PNPT1: variants seen among roughly 807,000 people sequenced by gnomAD.
The protein encoded by PNPT1 is polyribonucleotide nucleotidyltransferase 1, also known as polyribonucleotide nucleotidyltransferase 1, mitochondrial.
A neutral mutation model predicts 119.5 loss-of-function variants in PNPT1; 53 were observed. That is an observed-to-expected ratio of 0.44 (90% confidence interval 0.36 to 0.56). The LOEUF (loss-of-function observed/expected upper bound fraction) is 0.56. Among genes scored for constraint, PNPT1 ranks in the 20% least tolerant of loss-of-function variants. The pLI is 0.00. For missense variants in PNPT1, 948 were observed against 938.5 expected (o/e 1.01, Z -0.13); for synonymous variants, 357 against 322.1 (o/e 1.11, Z -1.16).
At chr2:55,690,852 G>C (rs1201759631) in intron 1 of PNPT1, among the ~76,000 whole-genome samples, 1 of 152,184 alleles carries the variant, frequency 6.6e-6, no homozygotes, top group African/African-American at 2.4e-5. Context: ...AGTATGTTGA[G>C]TAGATGGAAG....
At chr2:55,687,780 A>C (rs2104184358) in intron 1 of PNPT1, 75 bp from the exon 2 acceptor site, 2 of 1,181,148 alleles carry the variant, frequency 1.7e-6, no homozygotes, top group Admixed American at 2.6e-5. Flanking sequence ...AAAATAATAA[A>C]AGATTCTAAG....
At chr2:55,648,454 G>A (rs980803663) in intron 18 of PNPT1, among the ~76,000 whole-genome samples, 27 of 152,204 alleles carry the variant, frequency 1.8e-4, no homozygotes, top group African/African-American at 6.5e-4. Flanking sequence ...ACTTTTACCA[G>A]TGGTGTAAGA....
intron 15 of PNPT1, among the ~76,000 whole-genome samples, chr2:55,657,319 T>G (rs1305150624): frequency 6.6e-6 from 1 of 151,658 alleles, no homozygotes; most frequent in Admixed American, 6.6e-5. Context: ...ACAGAGACCC[T>G]TTTTTTAAAA....
intron 4 of PNPT1, 24 bp from the exon 5 acceptor site, chr2:55,683,858 T>C: frequency 6.2e-7 from 1 of 1,610,566 alleles, no homozygotes; most frequent in South Asian, 1.1e-5. Flanking sequence ...AAAAAACACA[T>C]TAAACCGTAC....
At chr2:55,662,907 A>C (rs530678191) in intron 13 of PNPT1, among the ~76,000 whole-genome samples, 14 of 149,838 alleles carry the variant, frequency 9.3e-5, no homozygotes, top group Admixed American at 6.6e-5. Flanking sequence ...TGGAGACGGA[A>C]TCTCACTCTG....
intron 18 of PNPT1, among the ~76,000 whole-genome samples, chr2:55,650,137 T>TCTCCAC (rs1553494834): frequency 4.1e-5 from 5 of 121,452 alleles, no homozygotes; most frequent in African/African-American, 1.1e-4. Context: ...TCTCTCCCTC[T>TCTCCAC]CTCCACCTCT....
intron 1 of PNPT1, among the ~76,000 whole-genome samples, chr2:55,690,949 C>G (rs1237539148): frequency 6.6e-6 from 1 of 152,228 alleles, no homozygotes; most frequent in Non-Finnish European, 1.5e-5. Context: ...GTAATGGTTT[C>G]ATGAGGCAAA....
intron 27 of PNPT1, 39 bp downstream of exon 27, chr2:55,637,513 A>G: frequency 6.5e-7 from 1 of 1,540,530 alleles, no homozygotes; most frequent in Non-Finnish European, 9.0e-7. Context: ...CTTCAAGAAC[A>G]ATTTACAACT....
Position 55,667,978 on chromosome 2 carries a change from C to A in PNPT1, c.977-20G>T. 6.4e-7 allele frequency: 1 copy of A among 1,559,108 alleles called. No individual in the cohort carries two copies. Among genetic ancestry groups the A allele is most frequent in the Admixed American group, 2.2e-5 (1 of 45,034 alleles). The stretch of plus-strand genomic sequence containing the variant: ...ATTTTTCTATAGAAAAAAGACAAAC[C>A]AAAACAAAGATTTTTACTTTTTTAG... On this transcript the variant is annotated intron_variant, in intron 11 of 27. Transcript: ENST00000447944.
At chr2:55,645,500 G>A (rs1221599478) in intron 21 of PNPT1, 68 bp from the exon 22 acceptor site, 1 of 1,003,782 alleles carries the variant, frequency 1.0e-6, no homozygotes, top group East Asian at 2.4e-5. Context: ...TGTACTCTTA[G>A]TTTTCACGGT....
intron 8 of PNPT1, among the ~76,000 whole-genome samples, chr2:55,676,160 C>G (rs1319361920): frequency 6.9e-6 from 1 of 145,942 alleles, no homozygotes; most frequent in Non-Finnish European, 1.5e-5. Flanking sequence ...CTTGGGAGGC[C>G]GAGTCAAGAG....
intron 8 of PNPT1, among the ~76,000 whole-genome samples, chr2:55,675,336 C>T (rs1392177216): frequency 1.3e-5 from 2 of 151,286 alleles, no homozygotes; most frequent in Admixed American, 6.6e-5. Flanking sequence ...GCTTGTAATT[C>T]CAGTGCTATG....
chr2:55,672,925 G>C lies in PNPT1; in HGVS notation c.834C>G (p.Thr278=), dbSNP rs751394146. 2.5e-6 allele frequency: 4 copies of C among 1,608,064 alleles called. No individual in the cohort carries two copies. Among genetic ancestry groups the C allele is most frequent in the Non-Finnish European group, 3.4e-6 (4 of 1,178,352 alleles). ...VTKRTPQKLF[T]PSPEIVKYTH... ...TATATTTCACAATCTCTGGCGAAGG[G>C]GTAAATAACTTCTGAGGTGTCCTCT... Residue 278 remains threonine (T), a synonymous_variant, in exon 9 of 28, where the codon ACC becomes ACG. Coordinates refer to ENST00000447944, the MANE Select transcript of PNPT1 (RefSeq NM_033109.5).
At chr2:55,683,746 G>C in intron 5 of PNPT1, 39 bp downstream of exon 5, 1 of 1,544,592 alleles carries the variant, frequency 6.5e-7, no homozygotes, top group Non-Finnish European at 8.9e-7. Context: ...AGTAATTTTT[G>C]ATTGATCTGG....
In PNPT1 at chr2:55,636,324, T is replaced by C; in HGVS notation, c.2265A>G (p.Pro755=). 4 of 1,614,150 alleles carry C rather than the reference T, an allele frequency of 2.5e-6. No homozygotes were observed. The highest frequency in any genetic ancestry group is 3.4e-6 in the Non-Finnish European group (4 of 1,180,010). ...MRLSRKVLQS[P]ATTVVRTLND... ...TCAAAGTTCTGACCACGGTTGTAGC[T>C]GGCGACTGAAGCACTTTTCGAGAAA... Residue 755 remains proline, a synonymous_variant, in exon 28 of 28, where the codon CCA becomes CCG. Transcript: ENST00000447944.
rs2104009685 is a variant in PNPT1 at position 55,636,118 on chromosome 2, A to T, written c.*119T>A. 1 of 627,060 alleles carries T rather than the reference A, an allele frequency of 1.6e-6. No homozygotes were observed. Among genetic ancestry groups the T allele is most frequent in the African/African-American group, 1.9e-5 (1 of 53,034 alleles). 38.8% of individuals were successfully genotyped at this position (627,060 alleles called of 1,614,324 possible). ...GTAAATGAGCATTTTAGTACAAATA[A>T]TTAAAATGTATTTATATTATATAGA... On this transcript the variant is annotated 3_prime_UTR_variant, in exon 28 of 28. Coordinates refer to ENST00000447944, the MANE Select transcript of PNPT1 (RefSeq NM_033109.5).
chr2:55,690,122 G>A (rs1452310470), intron 1 of PNPT1, among the ~76,000 whole-genome samples: 3 of 152,100 alleles, frequency 2.0e-5, no homozygotes, highest in Non-Finnish European at 4.4e-5. Flanking sequence ...GCTCCCAGAC[G>A]AGTTGTACAC....
At chr2:55,663,676 G>A (rs1399003904) in intron 13 of PNPT1, among the ~76,000 whole-genome samples, 1 of 152,018 alleles carries the variant, frequency 6.6e-6, no homozygotes, top group African/African-American at 2.4e-5. Context: ...GAAAAACATG[G>A]AGAACAAAAA....
intron 8 of PNPT1, among the ~76,000 whole-genome samples, chr2:55,675,208 G>C (rs528549254): frequency 4.3e-4 from 65 of 152,162 alleles, no homozygotes; most frequent in African/African-American, 1.6e-3. Flanking sequence ...TTTCAGGCTA[G>C]GCTACAGTGA....
Sources: gnomAD v4.1 joint callset for allele counts (sites outside exome capture counted in the v4.1 genomes callset) on GRCh38, gnomAD v4.1.1 for gene constraint, MANE v1.5 for transcripts, NCBI Gene and HGNC (gene_info 2026-07-23, HGNC 2026-07-21) for gene names.